Variants in MON2 observed in about 807,000 individuals in gnomAD.
MON2 encodes the protein MON2 regulator of endosome-to-Golgi trafficking, also known as protein MON2 homolog.
MON2 carries 84 observed loss-of-function variants against 208.6 expected under a neutral mutation model. The ratio of observed to expected loss-of-function variants is 0.40; its 90% confidence interval spans 0.34 to 0.48. MON2 has a LOEUF of 0.48. Among genes scored for constraint, MON2 ranks in the 20% least tolerant of loss-of-function variants. The pLI, the probability that MON2 is intolerant of heterozygous loss-of-function variation, is 0.59. For missense variants in MON2, 1,611 were observed against 2,015.4 expected (o/e 0.80, Z 3.84); for synonymous variants, 660 against 694.0 (o/e 0.95, Z 0.77).
intron 2 of MON2, chr12:62,490,077 G>T: frequency 1.0e-6 from 1 of 984,644 alleles, no homozygotes; most frequent in Non-Finnish European, 1.4e-6. Context: ...TCAGAGCAAG[G>T]AAACCCCTAG....
Position 62,552,868 on chromosome 12 carries a change from C to T in MON2, c.2917-13C>T, listed in dbSNP as rs755517806. 1.3e-6 allele frequency: 2 copies of T among 1,599,330 alleles called. No individual in the cohort carries two copies. The highest frequency in any genetic ancestry group is 2.2e-5 in the East Asian group (1 of 44,720). ...CCTTGGATGAACTAATATTTTTCTACTTTGCTTTTTAGTGGAATATTTCAG... is the reference window on the plus strand; with the variant it reads ...CCTTGGATGAACTAATATTTTTCTATTTTGCTTTTTAGTGGAATATTTCAG... On this transcript the variant is annotated splice_polypyrimidine_tract_variant and intron_variant, in intron 23 of 34. Transcript: ENST00000393630.
chr12:62,561,148 A>G (rs750519267), intron 26 of MON2, 35 bp downstream of exon 26: 13 of 1,511,868 alleles, frequency 8.6e-6, no homozygotes, highest in Admixed American at 2.3e-5. Context: ...AATACTGCAT[A>G]TAGTTCTCTG....
intron 11 of MON2, among the ~76,000 whole-genome samples, chr12:62,530,855 C>T (rs2072603325): frequency 6.6e-6 from 1 of 152,184 alleles, no homozygotes; most frequent in Non-Finnish European, 1.5e-5. Flanking sequence ...TTCCTACCAA[C>T]AATGTGTGAG....
chr12:62,514,603 G>A (rs2071592304), intron 8 of MON2, among the ~76,000 whole-genome samples: 1 of 152,080 alleles, frequency 6.6e-6, no homozygotes, highest in Non-Finnish European at 1.5e-5. Flanking sequence ...CTGTCCCCAT[G>A]ATTCAATTAC....
intron 32 of MON2, among the ~76,000 whole-genome samples, chr12:62,581,448 CG>C (rs1466337008): frequency 2.0e-5 from 3 of 152,048 alleles, no homozygotes; most frequent in African/African-American, 7.2e-5. Context: ...CCTAGATACT[CG>C]GGTGGCTGAA....
intron 8 of MON2, among the ~76,000 whole-genome samples, chr12:62,515,562 T>C (rs2071639655): frequency 1.3e-5 from 2 of 152,138 alleles, no homozygotes; most frequent in Admixed American, 1.3e-4. Flanking sequence ...ATGCCTGTAA[T>C]CCCAGCACTT....
At chr12:62,536,025 T>C (rs2072951023) in intron 14 of MON2, among the ~76,000 whole-genome samples, 1 of 152,162 alleles carries the variant, frequency 6.6e-6, no homozygotes, top group Non-Finnish European at 1.5e-5. Flanking sequence ...TTTACAAATA[T>C]ATTATGCAAA....
At chr12:62,543,350 A>T (rs1371509143) in intron 20 of MON2, 152 bp downstream of exon 20, 4 of 421,886 alleles carry the variant, frequency 9.5e-6, no homozygotes, top group Non-Finnish European at 1.6e-5. Context: ...TTTATCAAGG[A>T]CTAAAGTTGT....
intron 4 of MON2, among the ~76,000 whole-genome samples, chr12:62,496,698 A>G (rs1430194438): frequency 6.6e-6 from 1 of 152,248 alleles, no homozygotes; most frequent in Non-Finnish European, 1.5e-5. Context: ...AGAATGTGGG[A>G]AAATACAAAT....
At chr12:62,549,482 G>A (rs2073648745) in intron 22 of MON2, among the ~76,000 whole-genome samples, 186 bp from the exon 23 acceptor site, 1 of 151,682 alleles carries the variant, frequency 6.6e-6, no homozygotes, top group Admixed American at 6.6e-5. Flanking sequence ...AAGGGCATGG[G>A]GGTGTGCACC....
At chr12:62,570,835 C>T (rs1256080824) in intron 29 of MON2, among the ~76,000 whole-genome samples, 1 of 143,142 alleles carries the variant, frequency 7.0e-6, no homozygotes, top group African/African-American at 2.6e-5. Context: ...CGGGTTCAAG[C>T]GATTCTCTGC....
Position 62,561,034 on chromosome 12 carries a change from T to C in MON2, c.3953T>C (p.Phe1318Ser), listed in dbSNP as rs780343944. 1 of 1,613,344 alleles carries C rather than the reference T, an allele frequency of 6.2e-7. No homozygotes were observed. Among genetic ancestry groups the C allele is most frequent in the South Asian group, 1.1e-5 (1 of 91,066 alleles). ...CCAATAAGTTCAGATGCATCCCCTTTTATTCTTCCATCTTATACCGAAGCA... is the reference window on the plus strand; with the variant it reads ...CCAATAAGTTCAGATGCATCCCCTTCTATTCTTCCATCTTATACCGAAGCA... ...SVPISSDASPFILPSYTEAVL... is the reference protein window; with the variant it reads ...SVPISSDASPSILPSYTEAVL... Residue 1318 changes from phenylalanine to serine, a missense_variant, in exon 26 of 35, where the codon TTT becomes TCT. Phe to Ser is a radical substitution (Grantham distance 155, BLOSUM62 -2). Coordinates refer to ENST00000393630, the MANE Select transcript of MON2 (RefSeq NM_015026.3).
chr12:62,591,893 C>A (rs2075407737), intron 34 of MON2, among the ~76,000 whole-genome samples: 1 of 152,136 alleles, frequency 6.6e-6, no homozygotes, highest in African/African-American at 2.4e-5. Flanking sequence ...TAAAAAAAAT[C>A]TTGCATATTG....
chr12:62,467,251 A>T lies in MON2; in HGVS notation c.44A>T (p.Glu15Val), dbSNP rs754751494. ...CCCGAGGCGGTGAAGAAGCTGCTGG[A>T]GAATATGCAGAGCGACTTGCGCGCC... ...SSPEAVKKLL[E>V]NMQSDLRALS... Residue 15 changes from glutamate to valine, a missense_variant, in exon 1 of 35, where the codon GAG becomes GTG. Physicochemically the swap from Glu to Val is moderately radical, Grantham distance 121. Transcript: ENST00000393630. 16 of 1,613,842 alleles carry T rather than the reference A, an allele frequency of 9.9e-6. No homozygotes were observed. Among genetic ancestry groups the T allele is most frequent in the Admixed American group, 1.7e-5 (1 of 60,010 alleles).
intron 24 of MON2, 59 bp from the exon 25 acceptor site, chr12:62,555,935 T>C: frequency 1.6e-6 from 2 of 1,253,434 alleles, no homozygotes; most frequent in Non-Finnish European, 2.3e-6. Flanking sequence ...GTTGCTCCTA[T>C]GCTATTACTT....
intron 22 of MON2, among the ~76,000 whole-genome samples, chr12:62,548,980 G>A (rs1396900325): frequency 6.6e-6 from 1 of 152,070 alleles, no homozygotes; most frequent in Non-Finnish European, 1.5e-5. Context: ...GTATTTACAT[G>A]TACTGGACAC....
intron 25 of MON2, among the ~76,000 whole-genome samples, chr12:62,556,695 T>G (rs144327517): frequency 5.9e-5 from 9 of 152,016 alleles, no homozygotes; most frequent in African/African-American, 2.2e-4. Context: ...AGGTCTAGAA[T>G]GAGGAGAATA....
chr12:62,588,225 G>A, intron 34 of MON2, 69 bp downstream of exon 34: 1 of 1,107,988 alleles, frequency 9.0e-7, no homozygotes, highest in Middle Eastern at 2.1e-4. Context: ...ACTTTTGTCT[G>A]TTAATTTAAC....
intron 1 of MON2, among the ~76,000 whole-genome samples, chr12:62,468,995 C>T (rs928778224): frequency 6.6e-6 from 1 of 152,004 alleles, no homozygotes; most frequent in Non-Finnish European, 1.5e-5. Context: ...GTGGCCCAGG[C>T]TGGAGTGCAG....
Sources: gnomAD v4.1 joint callset for allele counts (sites outside exome capture counted in the v4.1 genomes callset) on GRCh38, gnomAD v4.1.1 for gene constraint, MANE v1.5 for transcripts, NCBI Gene and HGNC (gene_info 2026-07-23, HGNC 2026-07-21) for gene names.